The following FRMD4B variants were observed in gnomAD, a reference collection of about 807,000 sequenced individuals.
The protein encoded by FRMD4B is FERM domain containing 4B, also known as FERM domain-containing protein 4B.
In FRMD4B, 74 loss-of-function variants were observed where a neutral mutation model predicts 141.5. The ratio of observed to expected loss-of-function variants is 0.52; its 90% CI spans 0.43 to 0.63. The LOEUF (loss-of-function observed/expected upper bound fraction) is 0.63, where lower values mean the gene tolerates loss of function less well. Among genes scored for constraint, FRMD4B ranks in the 30% least tolerant of loss-of-function variants. The probability of loss-of-function intolerance (pLI) is 0.00; values close to 1 mark genes in which losing one functional copy is unlikely to be tolerated. For synonymous variants in FRMD4B, 506 were observed against 467.9 expected (o/e 1.08, Z -1.05); for missense variants, 1,366 against 1,253.4 (o/e 1.09, Z -1.36).
intron 1 of FRMD4B, among the ~76,000 whole-genome samples, chr3:69,345,159 G>A (rs1414360275): frequency 6.6e-6 from 1 of 152,348 alleles, no homozygotes; most frequent in Admixed American, 6.5e-5. Context: ...TTTTCCAATG[G>A]TCTTAGCAAA....
chr3:69,318,181 C>T (rs1202055866), intron 1 of FRMD4B, among the ~76,000 whole-genome samples: 3 of 151,966 alleles, frequency 2.0e-5, no homozygotes, highest in African/African-American at 7.3e-5. Flanking sequence ...TACTATCTTG[C>T]GTATGCTGGT....
At chr3:69,427,662 T>G (rs953146586) in intron 2 of FRMD4B, among the ~76,000 whole-genome samples, 4 of 131,956 alleles carry the variant, frequency 3.0e-5, no homozygotes, top group Admixed American at 7.7e-5. Flanking sequence ...TTTTTTTTTT[T>G]TTTTTTTTTT....
intron 1 of FRMD4B, among the ~76,000 whole-genome samples, chr3:69,355,020 GA>G (rs1703271569): frequency 8.4e-6 from 1 of 119,660 alleles, no homozygotes. Context: ...AGGATAAATG[GA>G]AAAAGGAAAA....
chr3:69,524,794 G>A (rs1282503188), intron 1 of FRMD4B, among the ~76,000 whole-genome samples: 1 of 152,198 alleles, frequency 6.6e-6, no homozygotes, highest in African/African-American at 2.4e-5. Flanking sequence ...TTGGTCACAT[G>A]GCCACACCAG....
chr3:69,454,556 G>A (rs62252289), intron 1 of FRMD4B, among the ~76,000 whole-genome samples: 39,109 of 152,114 alleles, frequency 0.26, 5,649 homozygotes, highest in East Asian at 0.45. Flanking sequence ...CACCGGCCCC[G>A]GGCAGTGAGG....
rs140211007 is a variant in FRMD4B at position 69,413,294 on chromosome 3, A to G, written c.-1+19340T>C. Among the ~76,000 whole-genome samples, 59 of 152,288 alleles carry G rather than the reference A, an allele frequency of 3.9e-4. No homozygotes were observed. The East Asian group carries it at 8.7e-3, about 22-fold the overall frequency. ...CTCTCAATGACTCTATAATGTAGGCATTATCCTGATTATCTCCATTTTACA... is the reference window on the plus strand; with the variant it reads ...CTCTCAATGACTCTATAATGTAGGCGTTATCCTGATTATCTCCATTTTACA... On this transcript the variant is annotated intron_variant, in intron 2 of 5. Transcript: ENST00000459638.
At chr3:69,472,752 G>A (rs575313375) in intron 1 of FRMD4B, among the ~76,000 whole-genome samples, 3 of 152,062 alleles carry the variant, frequency 2.0e-5, no homozygotes, top group African/African-American at 7.2e-5. Context: ...GGACCCGGAA[G>A]AGGGGTTGCC....
At chr3:69,443,070 C>A (rs1407600196) in intron 1 of FRMD4B, among the ~76,000 whole-genome samples, 2 of 152,116 alleles carry the variant, frequency 1.3e-5, no homozygotes, top group Non-Finnish European at 2.9e-5. Flanking sequence ...GGATTCCAGC[C>A]CCACACAGCT....
At chr3:69,384,790 C>T (rs1050773347) in intron 1 of FRMD4B, among the ~76,000 whole-genome samples, 6 of 152,124 alleles carry the variant, frequency 3.9e-5, no homozygotes, top group Non-Finnish European at 5.9e-5. Flanking sequence ...TTTCATTTTG[C>T]CTGATTGATG....
intron 5 of FRMD4B, among the ~76,000 whole-genome samples, chr3:69,268,095 A>G (rs2093576553): frequency 6.6e-6 from 1 of 151,902 alleles, no homozygotes; most frequent in South Asian, 2.1e-4. Flanking sequence ...TTGAGTCTCT[A>G]CTTCATTCCC....
At chr3:69,321,624 G>A (rs565703036) in intron 1 of FRMD4B, among the ~76,000 whole-genome samples, 63 of 152,258 alleles carry the variant, frequency 4.1e-4, no homozygotes, top group Middle Eastern at 6.8e-3. Context: ...CCTGGCACAC[G>A]GTGAGACCGT....
chr3:69,467,871 T>C (rs1462488967), intron 1 of FRMD4B, among the ~76,000 whole-genome samples: 2 of 152,142 alleles, frequency 1.3e-5, no homozygotes, highest in Non-Finnish European at 2.9e-5. Context: ...CTCTTTCCTT[T>C]TGGACACTGA....
At chr3:69,208,156 C>G (rs974814225) in intron 11 of FRMD4B, among the ~76,000 whole-genome samples, 1 of 151,606 alleles carries the variant, frequency 6.6e-6, no homozygotes, top group African/African-American at 2.4e-5. Flanking sequence ...CTCCACCTCC[C>G]GGGTTCAAGC....
intron 1 of FRMD4B, among the ~76,000 whole-genome samples, chr3:69,360,214 C>T (rs1402224852): frequency 6.6e-6 from 1 of 152,140 alleles, no homozygotes; most frequent in African/African-American, 2.4e-5. Flanking sequence ...TCCCATTTTT[C>T]CACCTAGTTT....
rs1352204412 is a variant in FRMD4B, at chr3:69,533,213, T to C, written c.-129+8993A>G. On this transcript the variant is annotated intron_variant, in intron 1 of 5. Coordinates refer to the FRMD4B transcript ENST00000459638. ...GGCAATAGTCTCATTTGGAACAAGA[T>C]GAACCATTAGAATCTTCTGTGAGGC... 3.3e-5 allele frequency among the ~76,000 whole-genome samples: 5 copies of C among 152,196 alleles called. No individual in the cohort carries two copies. The South Asian group carries it at 8.3e-4, about 25-fold the overall frequency.
chr3:69,299,265 A>G (rs1254843944), intron 4 of FRMD4B, among the ~76,000 whole-genome samples: 1 of 152,196 alleles, frequency 6.6e-6, no homozygotes, highest in Non-Finnish European at 1.5e-5. Flanking sequence ...TACCAACTTC[A>G]AAAAACCTCA....
chr3:69,305,423 G>C (rs1701360965), intron 3 of FRMD4B, among the ~76,000 whole-genome samples: 1 of 152,202 alleles, frequency 6.6e-6, no homozygotes, highest in South Asian at 2.1e-4. Flanking sequence ...AACAAAATAA[G>C]ATAGGAGACT....
chr3:69,318,895 G>A (rs373642361), intron 1 of FRMD4B, among the ~76,000 whole-genome samples: 1 of 152,142 alleles, frequency 6.6e-6, no homozygotes, highest in Admixed American at 6.5e-5. Flanking sequence ...TCTCTATTCC[G>A]ATGAGCTTTG....
At chr3:69,329,141 G>A (rs1378695717) in intron 1 of FRMD4B, among the ~76,000 whole-genome samples, 1 of 152,102 alleles carries the variant, frequency 6.6e-6, no homozygotes, top group Admixed American at 6.6e-5. Flanking sequence ...AGGATGTGGA[G>A]GCCGTTGAGA....
Sources: gnomAD v4.1 joint callset for allele counts (sites outside exome capture counted in the v4.1 genomes callset) on GRCh38, gnomAD v4.1.1 for gene constraint, MANE v1.5 for transcripts, NCBI Gene and HGNC (gene_info 2026-07-23, HGNC 2026-07-21) for gene names.